The following GRM5 variants were observed in gnomAD, a reference collection of about 807,000 sequenced individuals.
GRM5 encodes the protein glutamate metabotropic receptor 5.
In GRM5, 19 loss-of-function variants were observed where a neutral mutation model predicts 83.1. That is an observed-to-expected ratio of 0.23 (90% confidence interval 0.16 to 0.34). The LOEUF (loss-of-function observed/expected upper bound fraction) is 0.34, where lower values mean the gene tolerates loss of function less well. GRM5 is among the 10% of genes least tolerant of loss of function. The pLI, the probability that GRM5 is intolerant of heterozygous loss-of-function variation, is 1.00. For synonymous variants in GRM5, 675 were observed against 633.6 expected, an observed-to-expected ratio of 1.07 and a Z score of -0.98; for missense variants, 1,160 against 1,588.3, an observed-to-expected ratio of 0.73 and a Z score of 4.58.
intron 3 of GRM5, among the ~76,000 whole-genome samples, chr11:88,656,033 T>G (rs566354425): frequency 4.3e-4 from 66 of 152,266 alleles, no homozygotes; most frequent in African/African-American, 1.5e-3. Flanking sequence ...TAGGGCATCT[T>G]TAAGTATGAT....
intron 2 of GRM5, among the ~76,000 whole-genome samples, chr11:88,985,798 G>A (rs571096774): frequency 6.6e-6 from 1 of 152,022 alleles, no homozygotes; most frequent in Non-Finnish European, 1.5e-5. Flanking sequence ...ATGTCAAATA[G>A]GGTTAGCTAA....
chr11:88,651,444 A>G (rs892522527), intron 4 of GRM5, among the ~76,000 whole-genome samples: 1 of 152,090 alleles, frequency 6.6e-6, no homozygotes, highest in Admixed American at 6.6e-5. Flanking sequence ...GAAGCTACAC[A>G]TAGTAATAAT....
chr11:88,778,751 G>T (rs981583902), intron 3 of GRM5, among the ~76,000 whole-genome samples: 1 of 152,190 alleles, frequency 6.6e-6, no homozygotes, highest in Admixed American at 6.5e-5. Flanking sequence ...CTTATGATCA[G>T]TGCCAGGTCC....
At chr11:88,977,481 G>C (rs1295266698) in intron 2 of GRM5, among the ~76,000 whole-genome samples, 3 of 152,152 alleles carry the variant, frequency 2.0e-5, no homozygotes, top group Non-Finnish European at 4.4e-5. Flanking sequence ...AAAGTGCTGG[G>C]ATTACAGGCG....
intron 4 of GRM5, among the ~76,000 whole-genome samples, chr11:88,619,694 G>T (rs1010083253): frequency 1.3e-5 from 2 of 152,062 alleles, no homozygotes; most frequent in African/African-American, 2.4e-5. Flanking sequence ...AAAACAAGCA[G>T]CAGTTTATTT....
intron 4 of GRM5, among the ~76,000 whole-genome samples, chr11:88,625,041 T>C (rs1938754023): frequency 6.6e-6 from 1 of 152,176 alleles, no homozygotes; most frequent in Non-Finnish European, 1.5e-5. Context: ...ATATGTGAAA[T>C]TAAAATGCCT....
chr11:88,622,993 T>C (rs555408654), intron 4 of GRM5, among the ~76,000 whole-genome samples: 3 of 152,266 alleles, frequency 2.0e-5, no homozygotes, highest in Admixed American at 1.3e-4. Flanking sequence ...TGAGATTGTA[T>C]AGGGAAAGTG....
chr11:89,063,115 C>T (rs1395143841), intron 1 of GRM5, among the ~76,000 whole-genome samples: 1 of 152,232 alleles, frequency 6.6e-6, no homozygotes, highest in Non-Finnish European at 1.5e-5. Flanking sequence ...TCCTCTTTTC[C>T]TCTCCACCTT....
chr11:88,957,622 A>G (rs781537562), intron 2 of GRM5, among the ~76,000 whole-genome samples: 9 of 152,234 alleles, frequency 5.9e-5, no homozygotes, highest in Non-Finnish European at 8.8e-5. Flanking sequence ...CCAACTTACT[A>G]TAATGAAAAT....
At chr11:89,042,409 C>T (rs890855995) in intron 2 of GRM5, among the ~76,000 whole-genome samples, 3 of 152,172 alleles carry the variant, frequency 2.0e-5, no homozygotes, top group Non-Finnish European at 2.9e-5. Context: ...AACTAATTAT[C>T]TGACAAGCAA....
chr11:88,869,213 A>G (rs1461398626), intron 2 of GRM5, among the ~76,000 whole-genome samples: 2 of 151,694 alleles, frequency 1.3e-5, no homozygotes, highest in African/African-American at 4.8e-5. Flanking sequence ...AAATCCTGGA[A>G]ATGGAAGTCC....
At chr11:88,766,755 T>G (rs1942631091) in intron 3 of GRM5, among the ~76,000 whole-genome samples, 1 of 151,758 alleles carries the variant, frequency 6.6e-6, no homozygotes, top group Non-Finnish European at 1.5e-5. Flanking sequence ...ATCAACAGAG[T>G]AAACAGACAA....
chr11:88,722,624 T>C (rs1941574126), intron 3 of GRM5, among the ~76,000 whole-genome samples: 1 of 152,162 alleles, frequency 6.6e-6, no homozygotes, highest in South Asian at 2.1e-4. Context: ...AGACATATAC[T>C]ATTGTTTACT....
At chr11:88,601,606 T>G (rs1938000608) in intron 5 of GRM5, among the ~76,000 whole-genome samples, 1 of 152,160 alleles carries the variant, frequency 6.6e-6, no homozygotes. Context: ...GCCGTTGTTT[T>G]CAAATACTTC....
At chr11:88,960,995 A>G (rs1187441454) in intron 2 of GRM5, among the ~76,000 whole-genome samples, 7 of 152,218 alleles carry the variant, frequency 4.6e-5, no homozygotes, top group Non-Finnish European at 1.0e-4. Context: ...AAGAACACAT[A>G]GCTAATAACT....
chr11:89,006,247 A>G (rs1236566431), intron 2 of GRM5, among the ~76,000 whole-genome samples: 1 of 152,200 alleles, frequency 6.6e-6, no homozygotes, highest in South Asian at 2.1e-4. Flanking sequence ...TCTAAGTTTC[A>G]AAGTACTGAT....
At chr11:88,694,778 T>G (rs888001643) in intron 3 of GRM5, among the ~76,000 whole-genome samples, 3 of 152,186 alleles carry the variant, frequency 2.0e-5, no homozygotes, top group Non-Finnish European at 4.4e-5. Flanking sequence ...TAGATATGAT[T>G]GCTTATGATT....
chr11:88,660,918 G>T (rs985076032), intron 3 of GRM5, among the ~76,000 whole-genome samples: 52 of 152,266 alleles, frequency 3.4e-4, no homozygotes, highest in African/African-American at 1.3e-3. Context: ...TTATCAAAAA[G>T]CTCCTCTGGG....
intron 3 of GRM5, among the ~76,000 whole-genome samples, chr11:88,805,469 T>C (rs1943483815): frequency 6.6e-6 from 1 of 152,118 alleles, no homozygotes; most frequent in Non-Finnish European, 1.5e-5. Flanking sequence ...GGATTACAGG[T>C]GTGAGCCACC....
Sources: allele counts gnomAD v4.1 joint callset (sites outside exome capture counted in the v4.1 genomes callset), GRCh38; gene constraint gnomAD v4.1.1; transcripts MANE v1.5; gene names NCBI Gene and HGNC (gene_info 2026-07-23, HGNC 2026-07-21).